Variants in ARHGAP8 observed in about 807,000 individuals in gnomAD.
ARHGAP8 encodes Rho GTPase activating protein 8.
ARHGAP8 carries 62 observed loss-of-function variants against 46.1 expected under a neutral mutation model. That is an observed-to-expected ratio of 1.34 (90% CI 1.10 to 1.66). The LOEUF is 1.66. Among genes scored for constraint, ARHGAP8 ranks in the 40% most tolerant of loss-of-function variants. ARHGAP8 has a pLI of 0.00. For synonymous variants in ARHGAP8, 375 were observed against 243.1 expected, an observed-to-expected ratio of 1.54 and a Z score of -5.05; for missense variants, 923 against 568.4, an observed-to-expected ratio of 1.62 and a Z score of -6.34.
At position 44,806,738 on chromosome 22, in the gene ARHGAP8, A is replaced by C. The variant is rs552878291; in HGVS notation, c.168-1569A>C. ...GGGAGGCCGAGGCGGGTGGATCACGAGGTCAGAAGATCAAGACCATCCTGG... is the reference window on the plus strand; with the variant it reads ...GGGAGGCCGAGGCGGGTGGATCACGCGGTCAGAAGATCAAGACCATCCTGG... On this transcript the variant is annotated intron_variant, in intron 3 of 11. Coordinates refer to ENST00000356099, the MANE Select transcript of ARHGAP8 (RefSeq NM_181335.3). 2.0e-5 allele frequency among the ~76,000 whole-genome samples: 3 copies of C among 152,026 alleles called. No individual in the cohort carries two copies. In the South Asian group the frequency reaches 6.2e-4, roughly 32 times the overall value.
intron 2 of ARHGAP8, among the ~76,000 whole-genome samples, chr22:44,797,990 T>C (rs1378595371): frequency 1.4e-5 from 2 of 147,022 alleles, no homozygotes; most frequent in Non-Finnish European, 3.0e-5. Context: ...TTTTTTTTTT[T>C]TTTTTTGAGA....
intron 8 of ARHGAP8, among the ~76,000 whole-genome samples, chr22:44,847,714 G>C (rs930739902): frequency 2.0e-5 from 3 of 152,218 alleles, no homozygotes; most frequent in African/African-American, 7.2e-5. Context: ...CTTTCTCTGA[G>C]GTCACACAGC....
intron 8 of ARHGAP8, 134 bp from the exon 9 acceptor site, chr22:44,847,839 G>T: frequency 8.5e-7 from 1 of 1,173,186 alleles, no homozygotes; most frequent in Non-Finnish European, 1.2e-6. Context: ...AATATGGAAA[G>T]GATTTGAGGA....
At chr22:44,835,447 G>T (rs865811443) in intron 7 of ARHGAP8, among the ~76,000 whole-genome samples, 9 of 151,938 alleles carry the variant, frequency 5.9e-5, no homozygotes, top group African/African-American at 1.2e-4. Flanking sequence ...GTGAAACCCC[G>T]TCTCTACTAA....
At chr22:44,825,839 T>TG (rs1299709920) in intron 7 of ARHGAP8, among the ~76,000 whole-genome samples, 2 of 90,396 alleles carry the variant, frequency 2.2e-5, no homozygotes, top group Admixed American at 1.5e-4. Flanking sequence ...GGTGCCTGGT[T>TG]GGGGGGCGCG....
chr22:44,803,770 CACACACCCCCTCCCAGGA>C (rs1602200003), intron 3 of ARHGAP8, among the ~76,000 whole-genome samples: 4 of 138,666 alleles, frequency 2.9e-5, no homozygotes, highest in Admixed American at 7.7e-5. Context: ...CCCTCCCATG[CACACACCCCCTCCCAGGA>C]ACACACCCCC....
intron 7 of ARHGAP8, among the ~76,000 whole-genome samples, chr22:44,844,495 C>T (rs546192334): frequency 6.6e-6 from 1 of 151,948 alleles, no homozygotes; most frequent in African/African-American, 2.4e-5. Context: ...TGGAGTCTCC[C>T]TCTATCACCC....
At chr22:44,861,909 G>A (rs928059253) in intron 11 of ARHGAP8, among the ~76,000 whole-genome samples, 5 of 152,126 alleles carry the variant, frequency 3.3e-5, no homozygotes, top group African/African-American at 1.2e-4. Flanking sequence ...TGCCCAGTTC[G>A]CCACTCACAG....
At chr22:44,780,376 A>G (rs899377662) in intron 1 of ARHGAP8, among the ~76,000 whole-genome samples, 1 of 151,770 alleles carries the variant, frequency 6.6e-6, no homozygotes, top group African/African-American at 2.4e-5. Context: ...AAAATAAAAA[A>G]CAGGCTGGGC....
chr22:44,828,242 A>G (rs1249985122), intron 7 of ARHGAP8, among the ~76,000 whole-genome samples: 1 of 152,164 alleles, frequency 6.6e-6, no homozygotes, highest in Non-Finnish European at 1.5e-5. Flanking sequence ...ACCAAATAGT[A>G]CTTCCTTTTC....
intron 11 of ARHGAP8, among the ~76,000 whole-genome samples, chr22:44,860,478 G>T (rs971655977): frequency 6.6e-6 from 1 of 151,910 alleles, no homozygotes. Context: ...TCCTAAGTGT[G>T]GACCCCCTGC....
At chr22:44,820,167 A>ACGC (rs1181663486) in intron 5 of ARHGAP8, among the ~76,000 whole-genome samples, 1 of 152,194 alleles carries the variant, frequency 6.6e-6, no homozygotes, top group African/African-American at 2.4e-5. Context: ...ACTCTGCCGC[A>ACGC]CGCCGTGTTG....
At chr22:44,791,913 A>C (rs1927716673) in intron 2 of ARHGAP8, among the ~76,000 whole-genome samples, 1 of 152,228 alleles carries the variant, frequency 6.6e-6, no homozygotes, top group South Asian at 2.1e-4. Context: ...CACCAAAGCA[A>C]GAAAAATCTA....
intron 2 of ARHGAP8, among the ~76,000 whole-genome samples, chr22:44,792,218 G>T (rs1272870839): frequency 1.3e-5 from 2 of 151,964 alleles, no homozygotes; most frequent in Non-Finnish European, 2.9e-5. Flanking sequence ...CATCATGTTG[G>T]TCAGGCTGGT....
chr22:44,862,587 CGT>C lies in ARHGAP8; in HGVS notation c.1295_1296del (p.Arg432ProfsTer42). The stretch of plus-strand genomic sequence containing the variant: ...GAGTCCCCTGATGGCAGCCAGAAGA[CGT>C]CTCTAGTGTTGCGAACACTCTGTAT... ...PPSPLMAARR[R>X]L On this transcript the variant is annotated frameshift_variant, in exon 12 of 12. Coordinates refer to ENST00000356099, the MANE Select transcript of ARHGAP8 (RefSeq NM_181335.3). LOFTEE classifies it high-confidence loss of function. The C allele has an allele frequency of 6.3e-7, 1 of 1,580,454 alleles. No individual in the cohort carries two copies.
chr22:44,794,126 A>G (rs1243583091), intron 2 of ARHGAP8, among the ~76,000 whole-genome samples: 1 of 152,120 alleles, frequency 6.6e-6, no homozygotes, highest in East Asian at 1.9e-4. Context: ...CAGTTTTCTC[A>G]CCTGTAAATG....
At chr22:44,860,004 C>G (rs142271949) in intron 11 of ARHGAP8, among the ~76,000 whole-genome samples, 170 bp downstream of exon 11, 4 of 124,326 alleles carry the variant, frequency 3.2e-5, no homozygotes, top group Non-Finnish European at 5.3e-5. Flanking sequence ...TGGTCAGGCA[C>G]CCATGCTGCT....
rs759326791 is a variant in ARHGAP8 at position 44,786,486 on chromosome 22, G to A, written c.-42G>A. On this transcript the variant is annotated 5_prime_UTR_variant, in exon 2 of 12. Transcript: ENST00000356099. ...GCAGAGAGACAAGGCGGCGGCGGCT[G>A]CTGTGCTGGGTGCAGTGAGGAAGAG... The A allele has an allele frequency of 1.2e-6, 2 of 1,611,072 alleles. No individual in the cohort carries two copies. Among genetic ancestry groups the A allele is most frequent in the South Asian group, 2.2e-5 (2 of 90,444 alleles).
At chr22:44,841,386 T>C (rs1931643250) in intron 7 of ARHGAP8, among the ~76,000 whole-genome samples, 1 of 152,190 alleles carries the variant, frequency 6.6e-6, no homozygotes, top group South Asian at 2.1e-4. Context: ...CAGGTGCTAG[T>C]ATCCCGCCCA....
Sources: allele counts gnomAD v4.1 joint callset (sites outside exome capture counted in the v4.1 genomes callset), GRCh38; gene constraint gnomAD v4.1.1; transcripts MANE v1.5; gene names NCBI Gene and HGNC (gene_info 2026-07-23, HGNC 2026-07-21).